KCNIP4: variants seen among roughly 807,000 people sequenced by gnomAD.
KCNIP4 encodes Kv channel-interacting protein 4.
Under a neutral mutation model 34.0 loss-of-function variants are expected in KCNIP4, and 12 were observed. The observed-to-expected ratio is 0.35, with a 90% confidence interval of 0.23 to 0.57. The LOEUF is 0.57. KCNIP4 is among the 20% of genes least tolerant of loss of function. The pLI is 0.83. For synonymous variants in KCNIP4, 124 were observed against 102.2 expected (o/e 1.21, Z -1.29); for missense variants, 238 against 311.7 (o/e 0.76, Z 1.78).
chr4:21,400,642 A>G (rs746622131), intron 1 of KCNIP4, among the ~76,000 whole-genome samples: 2 of 151,688 alleles, frequency 1.3e-5, no homozygotes, highest in Non-Finnish European at 2.9e-5. Flanking sequence ...TTATCAAATT[A>G]GCATCAAGTG....
At chr4:21,674,620 G>C (rs1191153036) in intron 1 of KCNIP4, among the ~76,000 whole-genome samples, 1 of 152,146 alleles carries the variant, frequency 6.6e-6, no homozygotes, top group Admixed American at 6.5e-5. Flanking sequence ...AGCTCAGATT[G>C]AGTGTCCTTA....
intron 1 of KCNIP4, among the ~76,000 whole-genome samples, chr4:21,247,930 T>TACAC (rs372237209): frequency 2.5e-5 from 3 of 120,276 alleles, no homozygotes; most frequent in African/African-American, 1.1e-4. Flanking sequence ...CATATATATA[T>TACAC]ACACACATAT....
intron 1 of KCNIP4, among the ~76,000 whole-genome samples, chr4:21,825,635 T>C (rs1722635978): frequency 1.3e-5 from 2 of 152,186 alleles, no homozygotes; most frequent in African/African-American, 4.8e-5. Context: ...TTGTATACTA[T>C]TACAGCGACA....
At chr4:20,919,426 G>A (rs1377742304) in intron 1 of KCNIP4, among the ~76,000 whole-genome samples, 1 of 150,358 alleles carries the variant, frequency 6.7e-6, no homozygotes, top group Non-Finnish European at 1.5e-5. Flanking sequence ...AAGATAGATC[G>A]GGCGCGGTGG....
Position 20,882,654 on chromosome 4 carries a change from C to A in KCNIP4, c.117G>T (p.Lys39Asn). The A allele has an allele frequency of 6.2e-7, 1 of 1,613,244 alleles. No homozygotes were observed. The highest frequency in any genetic ancestry group is 8.5e-7 in the Non-Finnish European group (1 of 1,179,850). The stretch of plus-strand genomic sequence containing the variant: ...TTTTGGCAGCTGAGCAGGGCAAGAG[C>A]TTCATGAGCCGCTCTTTAATGCTGC... ...TKRSIKERLMKLLPCSAAKTS... is the reference protein window; with the variant it reads ...TKRSIKERLMNLLPCSAAKTS... The change falls in exon 2 of 9, where the codon AAG becomes AAT. Residue 39 changes from lysine to asparagine, a missense_variant. Coordinates refer to ENST00000382152, the MANE Select transcript of KCNIP4 (RefSeq NM_025221.6).
intron 1 of KCNIP4, among the ~76,000 whole-genome samples, chr4:21,333,281 T>A (rs888949833): frequency 3.3e-5 from 5 of 151,896 alleles, no homozygotes; most frequent in Non-Finnish European, 7.4e-5. Flanking sequence ...GTACTCTGCC[T>A]CCCTTGTAAG....
chr4:21,669,723 T>C (rs903497181), intron 1 of KCNIP4, among the ~76,000 whole-genome samples: 2 of 152,172 alleles, frequency 1.3e-5, no homozygotes, highest in African/African-American at 4.8e-5. Flanking sequence ...ACTCTAATAA[T>C]TACATACCAT....
intron 1 of KCNIP4, among the ~76,000 whole-genome samples, chr4:21,556,776 C>T (rs573503223): frequency 6.6e-6 from 1 of 151,684 alleles, no homozygotes; most frequent in South Asian, 2.1e-4. Flanking sequence ...CTAAAATTAG[C>T]CAAGCATAGT....
chr4:20,851,456 T>G (rs1249717294), intron 2 of KCNIP4, among the ~76,000 whole-genome samples: 1 of 152,182 alleles, frequency 6.6e-6, no homozygotes, highest in Non-Finnish European at 1.5e-5. Context: ...AGGTTGATTC[T>G]GTGACTTTCC....
At chr4:21,167,063 G>A (rs1753684736) in intron 1 of KCNIP4, among the ~76,000 whole-genome samples, 2 of 150,848 alleles carry the variant, frequency 1.3e-5, no homozygotes, top group Admixed American at 1.3e-4. Context: ...GATGTGCACA[G>A]CAAAACATCT....
intron 3 of KCNIP4, among the ~76,000 whole-genome samples, chr4:20,840,247 C>T (rs575070162): frequency 7.2e-5 from 11 of 152,110 alleles, no homozygotes; most frequent in Non-Finnish European, 1.3e-4. Flanking sequence ...CCCCATGTGC[C>T]TTTTCCCTTT....
At chr4:21,567,609 T>C (rs1740012582) in intron 1 of KCNIP4, among the ~76,000 whole-genome samples, 1 of 152,188 alleles carries the variant, frequency 6.6e-6, no homozygotes, top group Non-Finnish European at 1.5e-5. Context: ...AATTAACATG[T>C]CATATAGCCA....
chr4:20,857,715 C>A (rs894618839), intron 2 of KCNIP4, among the ~76,000 whole-genome samples: 1 of 152,042 alleles, frequency 6.6e-6, no homozygotes, highest in African/African-American at 2.4e-5. Context: ...AATAATGATA[C>A]AAATAATGAT....
chr4:21,718,780 A>G (rs2109091258), intron 1 of KCNIP4: 1 of 152,346 alleles, frequency 6.6e-6, no homozygotes, highest in South Asian at 2.1e-4. Context: ...AAGACAGCGC[A>G]AGTAATGACT....
chr4:21,569,986 C>G lies in KCNIP4; in HGVS notation c.61+378585G>C, dbSNP rs193044538. Reference sequence around the variant, plus strand: ...GGGGTGGGCTATGTGGTACTCCCCCCACTCAGGTAAAGTGACATCAGGGCT... The same window carrying G: ...GGGGTGGGCTATGTGGTACTCCCCCGACTCAGGTAAAGTGACATCAGGGCT... On this transcript the variant is annotated intron_variant, in intron 1 of 8. Coordinates refer to ENST00000382152, the MANE Select transcript of KCNIP4 (RefSeq NM_025221.6). 1.8e-3 allele frequency among the ~76,000 whole-genome samples: 274 copies of G among 152,084 alleles called. 11 individuals are homozygous for G. The South Asian group carries it at 0.046, about 26-fold the overall frequency.
chr4:21,803,995 G>A (rs1721151818), intron 1 of KCNIP4, among the ~76,000 whole-genome samples: 1 of 152,308 alleles, frequency 6.6e-6, no homozygotes, highest in East Asian at 1.9e-4. Context: ...CAACCACGTG[G>A]AACCATGAAG....
chr4:21,073,556 G>A (rs1193692387), intron 1 of KCNIP4, among the ~76,000 whole-genome samples: 3 of 152,052 alleles, frequency 2.0e-5, no homozygotes, highest in South Asian at 2.1e-4. Flanking sequence ...TGGGATTTTC[G>A]AAATATACAA....
chr4:21,219,589 A>G (rs1231470378), intron 1 of KCNIP4, among the ~76,000 whole-genome samples: 1 of 152,214 alleles, frequency 6.6e-6, no homozygotes, highest in Non-Finnish European at 1.5e-5. Flanking sequence ...TACATTCTCA[A>G]ATTAACCTAC....
chr4:21,738,661 G>A (rs1716183300), intron 1 of KCNIP4, among the ~76,000 whole-genome samples: 1 of 152,134 alleles, frequency 6.6e-6, no homozygotes, highest in African/African-American at 2.4e-5. Context: ...TAATTCTCAT[G>A]TATCTAATTC....
Sources: allele counts gnomAD v4.1 joint callset (sites outside exome capture counted in the v4.1 genomes callset), GRCh38; gene constraint gnomAD v4.1.1; transcripts MANE v1.5; gene names NCBI Gene and HGNC (gene_info 2026-07-23, HGNC 2026-07-21).